The following CCDC30 variants were observed in gnomAD, a reference collection of about 807,000 sequenced individuals.
The protein encoded by CCDC30 is coiled-coil domain containing 30.
Under a neutral mutation model 100.2 loss-of-function variants are expected in CCDC30, and 70 were observed. The ratio of observed to expected loss-of-function variants is 0.70; its 90% confidence interval spans 0.58 to 0.85. CCDC30 has a LOEUF of 0.85. CCDC30 is among the 40% of genes least tolerant of loss of function. The probability of loss-of-function intolerance (pLI) is 0.00; values close to 1 mark genes in which losing one functional copy is unlikely to be tolerated. For missense variants in CCDC30, 652 were observed against 771.2 expected (o/e 0.85, Z 1.83); for synonymous variants, 233 against 269.5 (o/e 0.86, Z 1.33).
chr1:42,523,665 T>C (rs953297066), intron 6 of CCDC30, among the ~76,000 whole-genome samples: 6 of 152,204 alleles, frequency 3.9e-5, no homozygotes, highest in Non-Finnish European at 5.9e-5. Flanking sequence ...CCATTATTTC[T>C]TCAAATAATC....
intron 11 of CCDC30, among the ~76,000 whole-genome samples, chr1:42,616,191 C>G (rs926143660): frequency 6.6e-6 from 1 of 152,238 alleles, no homozygotes; most frequent in Admixed American, 6.5e-5. Flanking sequence ...GCTGGGATTA[C>G]AGGCATGAGC....
chr1:42,536,464 T>A lies in CCDC30; in HGVS notation c.457-29832T>A. On this transcript the variant is annotated intron_variant, in intron 6 of 16. Transcript: ENST00000668663. ...TATATATAAAATTAATTATGTAAAATGCTTTTTACAGATCCTGAAAATGAG... is the reference window on the plus strand; with the variant it reads ...TATATATAAAATTAATTATGTAAAAAGCTTTTTACAGATCCTGAAAATGAG... 2 of 1,521,764 alleles carry A rather than the reference T, an allele frequency of 1.3e-6. No homozygotes were observed. Among genetic ancestry groups the A allele is most frequent in the Non-Finnish European group, 1.8e-6 (2 of 1,108,958 alleles). 94.3% of individuals were successfully genotyped at this position (1,521,764 alleles called of 1,614,324 possible). A position where few individuals can be genotyped will look rare whatever the true frequency, so the allele number is the denominator to read the frequency against.
chr1:42,611,885 C>T (rs1646633015), intron 11 of CCDC30, among the ~76,000 whole-genome samples: 1 of 152,062 alleles, frequency 6.6e-6, no homozygotes, highest in South Asian at 2.1e-4. Flanking sequence ...CACTATGTTG[C>T]CTCAAGTGAT....
chr1:42,608,786 A>G (rs990970963), intron 10 of CCDC30, among the ~76,000 whole-genome samples: 9 of 151,082 alleles, frequency 6.0e-5, no homozygotes, highest in Non-Finnish European at 1.3e-4. Context: ...CACCACATCC[A>G]GAGGAGGAAT....
At chr1:42,553,242 T>C (rs534760601) in intron 6 of CCDC30, among the ~76,000 whole-genome samples, 5 of 152,242 alleles carry the variant, frequency 3.3e-5, no homozygotes, top group African/African-American at 1.2e-4. Context: ...ATTGTCTGGG[T>C]TGCTGTCTTC....
chr1:42,533,312 A>G (rs1052948357), intron 6 of CCDC30, among the ~76,000 whole-genome samples: 3 of 152,180 alleles, frequency 2.0e-5, no homozygotes, highest in African/African-American at 7.2e-5. Flanking sequence ...ATGCCTGGGC[A>G]TGTAGTAAAA....
chr1:42,460,045 G>A (rs936617755), upstream of CCDC30: 5 of 1,430,800 alleles, frequency 3.5e-6, no homozygotes, highest in Non-Finnish European at 4.6e-6. Context: ...AAAGGCAGTG[G>A]TGTGTAGGCA....
chr1:42,551,410 G>T (rs1645249509), intron 6 of CCDC30, among the ~76,000 whole-genome samples: 2 of 152,128 alleles, frequency 1.3e-5, no homozygotes, highest in South Asian at 4.1e-4. Flanking sequence ...GGGAAGGGAG[G>T]TGTTTCAATA....
chr1:42,568,323 C>T (rs947943847), intron 7 of CCDC30, among the ~76,000 whole-genome samples: 3 of 152,126 alleles, frequency 2.0e-5, no homozygotes, highest in African/African-American at 7.2e-5. Flanking sequence ...CCATGTTGGC[C>T]AGGCTGATCT....
intron 7 of CCDC30, chr1:42,569,208 A>G (rs184978640): frequency 1.8e-3 from 267 of 152,334 alleles, no homozygotes; most frequent in African/African-American, 6.1e-3. Flanking sequence ...ACAGAATGGG[A>G]GAAAATTTTT....
chr1:42,515,342 A>G (rs1324570151), intron 6 of CCDC30, among the ~76,000 whole-genome samples: 1 of 152,224 alleles, frequency 6.6e-6, no homozygotes, highest in Non-Finnish European at 1.5e-5. Flanking sequence ...CAAAACTGTG[A>G]GATAATACAT....
At chr1:42,465,575 G>T (rs1250572521) in intron 1 of CCDC30, among the ~76,000 whole-genome samples, 1 of 152,042 alleles carries the variant, frequency 6.6e-6, no homozygotes, top group South Asian at 2.1e-4. Flanking sequence ...CGTTGGTCAG[G>T]CTGAGTCTTG....
At chr1:42,635,899 C>G (rs1219513143) in intron 11 of CCDC30, among the ~76,000 whole-genome samples, 1 of 152,046 alleles carries the variant, frequency 6.6e-6, no homozygotes, top group African/African-American at 2.4e-5. Context: ...TATATTCCTG[C>G]CTGCAGTGTA....
chr1:42,641,365 AT>A (rs1469236225), intron 12 of CCDC30, among the ~76,000 whole-genome samples: 1 of 151,916 alleles, frequency 6.6e-6, no homozygotes, highest in African/African-American at 2.4e-5. Flanking sequence ...GGTGTGAGCC[AT>A]GGCACCAGGC....
At chr1:42,519,484 G>C (rs933821866) in intron 6 of CCDC30, among the ~76,000 whole-genome samples, 1 of 152,010 alleles carries the variant, frequency 6.6e-6, no homozygotes, top group Non-Finnish European at 1.5e-5. Flanking sequence ...CAGATTTTCT[G>C]TTTCTTTGTG....
intron 6 of CCDC30, among the ~76,000 whole-genome samples, chr1:42,528,446 A>G (rs6669993): frequency 0.39 from 58,685 of 152,010 alleles, 11,798 homozygotes; most frequent in East Asian, 0.59. Flanking sequence ...GGGGGCATCT[A>G]TGAAGTATAA....
At position 42,596,961 on chromosome 1, in the gene CCDC30, G is replaced by A. The variant is rs191676151; in HGVS notation, c.1164+7478G>A. On this transcript the variant is annotated intron_variant, in intron 10 of 16. Coordinates refer to ENST00000668663, the Ensembl canonical transcript of CCDC30. The surrounding 1 kb of genome is among the most constrained non-coding windows in gnomAD (Gnocchi z 4.3). ...TAAGAAAGAACCACATAGAAATTCC[G>A]TTACAGTGTTTTTGATTTTTAAGTA... Among the ~76,000 whole-genome samples the A allele has an allele frequency of 6.6e-5, 10 of 152,140 alleles. No homozygotes were observed. The South Asian group carries it at 8.3e-4, about 13-fold the overall frequency.
intron 6 of CCDC30, among the ~76,000 whole-genome samples, chr1:42,509,824 A>T (rs1030783273): frequency 2.0e-5 from 3 of 152,284 alleles, no homozygotes; most frequent in Admixed American, 1.3e-4. Context: ...GATTCTTATT[A>T]TTCATTTTAC....
At chr1:42,648,729 G>C (rs1479282658) in intron 15 of CCDC30, among the ~76,000 whole-genome samples, 1 of 150,488 alleles carries the variant, frequency 6.6e-6, no homozygotes, top group East Asian at 2.0e-4. Flanking sequence ...GAGATTAAAA[G>C]AACAATATAG....
Sources: gnomAD v4.1 joint callset for allele counts (sites outside exome capture counted in the v4.1 genomes callset) on GRCh38, gnomAD v4.1.1 for gene constraint, Gnocchi (gnomAD v3.1) non-coding constraint, MANE v1.5 for transcripts, NCBI Gene and HGNC (gene_info 2026-07-23, HGNC 2026-07-21) for gene names.